C17orf75: variants seen among roughly 807,000 people sequenced by gnomAD.
C17orf75 encodes the protein chromosome 17 open reading frame 75, also known as protein Njmu-R1.
In C17orf75, 32 loss-of-function variants were observed where a neutral mutation model predicts 49.6. The ratio of observed to expected loss-of-function variants is 0.65; its 90% CI spans 0.49 to 0.87. The LOEUF is 0.87. C17orf75 is among the 40% of genes least tolerant of loss of function. C17orf75 has a pLI of 0.00. For synonymous variants in C17orf75, 158 were observed against 159.5 expected, an observed-to-expected ratio of 0.99 and a Z score of 0.07; for missense variants, 428 against 473.9, an observed-to-expected ratio of 0.90 and a Z score of 0.90.
intron 2 of C17orf75, 73 bp downstream of exon 2, chr17:32,341,131 C>T: frequency 6.8e-7 from 1 of 1,463,636 alleles, no homozygotes; most frequent in Non-Finnish European, 9.6e-7. Context: ...ATAGAGTATC[C>T]ACTGACATGT....
chr17:32,331,886 G>C lies in C17orf75; in HGVS notation c.1068C>G (p.Asn356Lys). 1 of 1,613,398 alleles carries C rather than the reference G, an allele frequency of 6.2e-7. No homozygotes were observed. Among genetic ancestry groups the C allele is most frequent in the Non-Finnish European group, 8.5e-7 (1 of 1,179,486 alleles). ...ALFKCYMFLK[N>K]CGSGDILLKI... ...TCAAAAGTATATCTCCACTACCACA[G>C]TTCTTTAGGAACATGTAACATTTAA... The change falls in exon 10 of 10, where the codon AAC becomes AAG. Residue 356 changes from asparagine (N) to lysine (K), a missense_variant. Physicochemically the swap from Asn to Lys is moderately conservative, Grantham distance 94. Coordinates refer to ENST00000577809, the MANE Select transcript of C17orf75 (RefSeq NM_022344.4).
At chr17:32,333,709 T>A (rs570820412) in intron 8 of C17orf75, among the ~76,000 whole-genome samples, 189 bp from the exon 9 acceptor site, 2 of 152,240 alleles carry the variant, frequency 1.3e-5, no homozygotes, top group South Asian at 2.1e-4. Flanking sequence ...CCTCAGATGA[T>A]CCACCTGCCT....
In C17orf75 at chr17:32,331,857, A is replaced by G. The variant is rs751973701; in HGVS notation, c.1097T>C (p.Ile366Thr). The change falls in exon 10 of 10, where the codon ATT (isoleucine) becomes ACT (threonine). Residue 366 changes from isoleucine to threonine, a missense_variant. Coordinates refer to ENST00000577809, the MANE Select transcript of C17orf75 (RefSeq NM_022344.4). The stretch of plus-strand genomic sequence containing the variant: ...CATTTCTTCATGTTCCACTTTAACA[A>G]TCTTCAAAAGTATATCTCCACTACC... ...NCGSGDILLK[I>T]VKVEHEEMPE... is the part of the protein sequence containing the mutation. 1 of 1,613,690 alleles carries G rather than the reference A, an allele frequency of 6.2e-7. No homozygotes were observed. The highest frequency in any genetic ancestry group is 1.1e-5 in the South Asian group (1 of 91,076).
chr17:32,336,570 A>G (rs2041328269), intron 5 of C17orf75, among the ~76,000 whole-genome samples: 1 of 152,204 alleles, frequency 6.6e-6, no homozygotes, highest in African/African-American at 2.4e-5. Flanking sequence ...TAAAAGATCA[A>G]TTAATGAAAA....
In C17orf75 at chr17:32,339,878, A is replaced by C. The variant is rs1567804139; in HGVS notation, c.282T>G (p.Ile94Met). The C allele has an allele frequency of 6.2e-7, 1 of 1,614,060 alleles. No individual in the cohort carries two copies. ...SEVEPELRSF[I>M]AKRLSRGAVF... is the part of the protein sequence containing the mutation. Reference sequence around the variant, plus strand: ...CTGCACCTCTTGAAAGACGCTTAGCAATGAAACTGCGCAGCTCTGGCTCCA... The same window carrying C: ...CTGCACCTCTTGAAAGACGCTTAGCCATGAAACTGCGCAGCTCTGGCTCCA... Residue 94 changes from isoleucine (I) to methionine (M), a missense_variant, in exon 3 of 10, where the codon ATT becomes ATG. Coordinates refer to ENST00000577809, the MANE Select transcript of C17orf75 (RefSeq NM_022344.4).
chr17:32,329,817 A>AT lies in C17orf75; in HGVS notation c.*1945dup, dbSNP rs1567800653. 6.6e-6 allele frequency: 1 copy of AT among 152,208 alleles called. No homozygotes were observed. Among genetic ancestry groups the AT allele is most frequent in the Non-Finnish European group, 1.5e-5 (1 of 68,028 alleles). 9.4% of individuals were successfully genotyped at this position (152,208 alleles called of 1,614,324 possible). ...GACAGTCAGATTCAAGGACAGTGTC[A>AT]TAAAATTGCTGGTTTTCCTTAGTCA... is the stretch of plus-strand genomic sequence containing the variant. On this transcript the variant is annotated 3_prime_UTR_variant, in exon 10 of 10. Coordinates refer to ENST00000577809, the MANE Select transcript of C17orf75 (RefSeq NM_022344.4).
rs147153384 is a variant in C17orf75, at chr17:32,331,307, G to GATCT, written c.*452_*455dup. The GATCT allele has an allele frequency of 7.4e-3, 1,150 of 155,688 alleles. 17 individuals are homozygous for GATCT. Among genetic ancestry groups the GATCT allele is most frequent in the African/African-American group, 0.026 (1,097 of 41,568 alleles). The allele number at this position is 155,688 out of a possible 1,614,324, so 9.6% of individuals were successfully genotyped here. ...GTATCAAGCACCCACAGGATGCACA[G>GATCT]ATCTATCTCTGAACTGGTGTAGTGG... On this transcript the variant is annotated 3_prime_UTR_variant, in exon 10 of 10. Coordinates refer to ENST00000577809, the MANE Select transcript of C17orf75 (RefSeq NM_022344.4).
At chr17:32,336,460 C>T (rs537796722) in intron 5 of C17orf75, among the ~76,000 whole-genome samples, 3 of 152,284 alleles carry the variant, frequency 2.0e-5, no homozygotes, top group South Asian at 2.1e-4. Context: ...GTGATCTGCC[C>T]GCTTTGGCCT....
At chr17:32,341,780 G>T (rs1597738517) in intron 1 of C17orf75, 3 of 1,038,908 alleles carry the variant, frequency 2.9e-6, no homozygotes, top group East Asian at 1.6e-4. Flanking sequence ...AAGGGCACAG[G>T]CATGGTTGGG....
chr17:32,334,024 T>C (rs1216938272), intron 8 of C17orf75, among the ~76,000 whole-genome samples: 1 of 152,246 alleles, frequency 6.6e-6, no homozygotes, highest in Non-Finnish European at 1.5e-5. Context: ...AAAACTTTTA[T>C]GTATTTTTTC....
chr17:32,347,310 CTCTTATT>C (rs2041432429), intron 1 of C17orf75, among the ~76,000 whole-genome samples: 1 of 151,576 alleles, frequency 6.6e-6, no homozygotes, highest in African/African-American at 2.4e-5. Context: ...TGGAGTTTCA[CTCTTATT>C]GCACAGGCTG....
rs559181326 is a variant in C17orf75, at chr17:32,329,592, T to A, written c.*2171A>T. On this transcript the variant is annotated 3_prime_UTR_variant, in exon 10 of 10. Transcript: ENST00000577809. Reference sequence around the variant, plus strand: ...AAAATATATACAACCACACAGAGAATATGTAATTACACCTTGCCTATATCC... The same window carrying A: ...AAAATATATACAACCACACAGAGAAAATGTAATTACACCTTGCCTATATCC... 1 of 152,112 alleles carries A rather than the reference T, an allele frequency of 6.6e-6. No homozygotes were observed. Among genetic ancestry groups the A allele is most frequent in the African/African-American group, 2.4e-5 (1 of 41,474 alleles). 9.4% of individuals were successfully genotyped at this position (152,112 alleles called of 1,614,324 possible). A position where few individuals can be genotyped will look rare whatever the true frequency, so the allele number is the denominator to read the frequency against.
In C17orf75 at chr17:32,331,665, C is replaced by G. The variant is rs2041274277; in HGVS notation, c.*98G>C. 5.2e-6 allele frequency: 5 copies of G among 966,422 alleles called. No individual in the cohort carries two copies. The highest frequency in any genetic ancestry group is 6.2e-6 in the Non-Finnish European group (4 of 644,512). 59.9% of individuals were successfully genotyped at this position (966,422 alleles called of 1,614,324 possible). Reference sequence around the variant, plus strand: ...AGAAAATCTGGATTGAGTTTCAAATCATCTTAAATAGCAATCCTATGAACA... The same window carrying G: ...AGAAAATCTGGATTGAGTTTCAAATGATCTTAAATAGCAATCCTATGAACA... On this transcript the variant is annotated 3_prime_UTR_variant, in exon 10 of 10. Transcript: ENST00000577809.
Position 32,338,231 on chromosome 17 carries a change from T to C in C17orf75, c.468A>G (p.Gly156=), listed in dbSNP as rs758978996. 1.2e-6 allele frequency: 2 copies of C among 1,611,944 alleles called. No homozygotes were observed. Among genetic ancestry groups the C allele is most frequent in the Admixed American group, 3.4e-5 (2 of 59,470 alleles). The change falls in exon 4 of 10, where the codon GGA becomes GGG. Residue 156 remains glycine (G), a synonymous_variant. Coordinates refer to ENST00000577809, the MANE Select transcript of C17orf75 (RefSeq NM_022344.4). Reference sequence around the variant, plus strand: ...ATAGCTCAAGTCCTTTTTCAGACCCTCCTAAAAAACAGACCACATATTCTG... The same window carrying C: ...ATAGCTCAAGTCCTTTTTCAGACCCCCCTAAAAAACAGACCACATATTCTG... ...NPSEYVVCFL[G]GSEKGLELFR...
rs1463818965 is a variant in C17orf75, at chr17:32,341,982, C to A, written c.140+18G>T. 1.4e-6 allele frequency: 2 copies of A among 1,419,932 alleles called. No individual in the cohort carries two copies. The highest frequency in any genetic ancestry group is 1.5e-5 in the South Asian group (1 of 68,876). The allele number at this position is 1,419,932 out of a possible 1,614,324, so 88.0% of individuals were successfully genotyped here. On this transcript the variant is annotated intron_variant, in intron 1 of 9. Coordinates refer to ENST00000577809, the MANE Select transcript of C17orf75 (RefSeq NM_022344.4). ...CGCAGGGGCGGGCGGGCTGGCAGGC[C>A]GAGCTGGGCGCCAGCACCTGCTTCC...
intron 2 of C17orf75, among the ~76,000 whole-genome samples, chr17:32,340,210 GTC>G (rs1170817992): frequency 1.3e-5 from 2 of 152,054 alleles, no homozygotes. Flanking sequence ...CTCTTTTTCA[GTC>G]TCTCAAGTTT....
chr17:32,338,804 A>T (rs754177894), intron 3 of C17orf75, among the ~76,000 whole-genome samples: 11 of 152,128 alleles, frequency 7.2e-5, no homozygotes, highest in Non-Finnish European at 1.0e-4. Context: ...AAGAGGTGTA[A>T]TGGAGGCCGG....
chr17:32,340,957 A>G (rs1231694081), intron 2 of C17orf75: 1 of 499,762 alleles, frequency 2.0e-6, no homozygotes, highest in African/African-American at 2.0e-5. Flanking sequence ...TTTAAAAGGA[A>G]AAAGAAAAAA....
rs970751242 is a variant in C17orf75, at chr17:32,339,432, A to T, written c.347+381T>A. On this transcript the variant is annotated intron_variant, in intron 3 of 9. Transcript: ENST00000577809. Reference sequence around the variant, plus strand: ...CTAAAAAAAAAAAAAAAAAAAAATTAAAAAAATTGCTGGGCATCGTAGTGC... The same window carrying T: ...CTAAAAAAAAAAAAAAAAAAAAATTTAAAAAATTGCTGGGCATCGTAGTGC... Among the ~76,000 whole-genome samples, 6 of 151,212 alleles carry T rather than the reference A, an allele frequency of 4.0e-5. No individual in the cohort carries two copies. In the South Asian group the frequency reaches 8.4e-4, roughly 21 times the overall value.
Sources: allele counts gnomAD v4.1 joint callset (sites outside exome capture counted in the v4.1 genomes callset), GRCh38; gene constraint gnomAD v4.1.1; transcripts MANE v1.5; gene names NCBI Gene and HGNC (gene_info 2026-07-23, HGNC 2026-07-21).